The following GRHL3 variants were observed in gnomAD, a reference collection of about 807,000 sequenced individuals.
GRHL3 encodes grainyhead like transcription factor 3.
Under a neutral mutation model 70.3 loss-of-function variants are expected in GRHL3, and 20 were observed. The ratio of observed to expected loss-of-function variants is 0.28; its 90% confidence interval spans 0.20 to 0.41. GRHL3 has a LOEUF of 0.41. GRHL3 is among the 10% of genes least tolerant of loss of function. The pLI, the probability that GRHL3 is intolerant of heterozygous loss-of-function variation, is 1.00. For synonymous variants in GRHL3, 299 were observed against 299.9 expected, an observed-to-expected ratio of 1.00 and a Z score of 0.03; for missense variants, 637 against 762.3, an observed-to-expected ratio of 0.84 and a Z score of 1.94.
Position 24,337,768 on chromosome 1 carries a change from C to T in GRHL3, c.819C>T (p.Ala273=). Residue 273 remains alanine, a synonymous_variant, in exon 6 of 16, where the codon GCC becomes GCT. Coordinates refer to ENST00000361548, the MANE Select transcript of GRHL3 (RefSeq NM_198173.3). The part of the protein sequence containing the change: ...LRTPAGGKGL[A]LSSNKVKSVV... ...CCCCAGCAGGTGGCAAAGGCCTTGCCTTGTCCTCCAACAAAGTCAAGGTGC... is the reference window on the plus strand; with the variant it reads ...CCCCAGCAGGTGGCAAAGGCCTTGCTTTGTCCTCCAACAAAGTCAAGGTGC... 6.2e-7 allele frequency: 1 copy of T among 1,614,226 alleles called. No homozygotes were observed. The highest frequency in any genetic ancestry group is 8.5e-7 in the Non-Finnish European group (1 of 1,180,052).
rs150037319 is a variant in GRHL3, at chr1:24,336,566, G to A, written c.351G>A (p.Val117=). 1.9e-5 allele frequency: 30 copies of A among 1,613,788 alleles called. No individual in the cohort carries two copies. Among genetic ancestry groups the A allele is most frequent in the African/African-American group, 1.7e-4 (13 of 74,916 alleles). ...TCATGAAATTCCTGACAGAGAACGT[G>A]TCTGGAACCCCAGAGTACCCAGATT... The part of the protein sequence containing the change: ...THLMKFLTEN[V]SGTPEYPDLL... Residue 117 remains valine (V), a synonymous_variant, in exon 4 of 16, where the codon GTG becomes GTA. Coordinates refer to ENST00000361548, the MANE Select transcript of GRHL3 (RefSeq NM_198173.3).
chr1:24,337,672 C>T lies in GRHL3; in HGVS notation c.723C>T (p.Ile241=), dbSNP rs1639875883. The T allele has an allele frequency of 1.9e-6, 3 of 1,614,092 alleles. No homozygotes were observed. The highest frequency in any genetic ancestry group is 2.5e-6 in the Non-Finnish European group (3 of 1,180,044). The change falls in exon 6 of 16, where the codon ATC becomes ATT. Residue 241 remains isoleucine (I), a synonymous_variant. Transcript: ENST00000361548. ...FEYTLGSPKA[I]HIKSGESPMA... is the part of the protein sequence containing the mutation. ...ACACCCTGGGCTCCCCCAAAGCCAT[C>T]CACATCAAGTCAGGCGAGTCACCCA... is the stretch of plus-strand genomic sequence containing the variant.
Position 24,321,001 on chromosome 1 carries a change from A to AT in GRHL3, c.17+1435dup, listed in dbSNP as rs963720664. ...TGGTGGAGAACACACCAGTAACACC[A>AT]TTGTCATTTCATGTAGAACTAACCA... On this transcript the variant is annotated intron_variant, in intron 1 of 15. Coordinates refer to ENST00000361548, the MANE Select transcript of GRHL3 (RefSeq NM_198173.3). This position sits in a 1 kb window ranked among gnomAD's most constrained non-coding sequence, Gnocchi z 4.0. Among the ~76,000 whole-genome samples the AT allele has an allele frequency of 6.6e-6, 1 of 152,214 alleles. No individual in the cohort carries two copies. The highest frequency in any genetic ancestry group is 1.5e-5 in the Non-Finnish European group (1 of 68,032).
intron 8 of GRHL3, among the ~76,000 whole-genome samples, chr1:24,341,005 G>A (rs1640014704): frequency 6.6e-6 from 1 of 152,112 alleles, no homozygotes; most frequent in Admixed American, 6.5e-5. Flanking sequence ...GTGCCTGGGG[G>A]CCTGGTCTGC....
intron 15 of GRHL3, chr1:24,360,880 G>A (rs751943695): frequency 1.1e-5 from 17 of 1,613,188 alleles, no homozygotes; most frequent in South Asian, 3.3e-5. Context: ...CTGAGGCGGC[G>A]CCGCTGTCCA....
chr1:24,323,529 T>C (rs1393091764), intron 1 of GRHL3, among the ~76,000 whole-genome samples: 1 of 152,190 alleles, frequency 6.6e-6, no homozygotes, highest in Non-Finnish European at 1.5e-5. Context: ...ACACCTGTGT[T>C]TTAAGCCCAG....
intron 12 of GRHL3, 40 bp downstream of exon 12, chr1:24,344,971 TGCACCCTCC>T: frequency 2.2e-6 from 3 of 1,373,892 alleles, no homozygotes; most frequent in Non-Finnish European, 1.0e-6. Flanking sequence ...TCCACACCTG[TGCACCCTCC>T]ACACCTGTGC....
intron 1 of GRHL3, 38 bp from the exon 2 acceptor site, chr1:24,331,388 G>T: frequency 6.4e-7 from 1 of 1,558,928 alleles, no homozygotes; most frequent in Non-Finnish European, 8.7e-7. Context: ...ACCTTCCTCT[G>T]GGATAGCCTA....
At chr1:24,351,004 A>G (rs1321981789) in intron 15 of GRHL3, among the ~76,000 whole-genome samples, 2 of 152,212 alleles carry the variant, frequency 1.3e-5, no homozygotes, top group Non-Finnish European at 2.9e-5. Flanking sequence ...CCAGCCTGGC[A>G]TAGGGCCCCC....
At position 24,336,540 on chromosome 1, in the gene GRHL3, C is replaced by T. The variant is rs1483524217; in HGVS notation, c.325C>T (p.Leu109Phe). 1 of 1,612,972 alleles carries T rather than the reference C, an allele frequency of 6.2e-7. No homozygotes were observed. The highest frequency in any genetic ancestry group is 1.3e-5 in the African/African-American group (1 of 74,898). ...DLTPLESPTH[L>F]MKFLTENVSG... ...CACTCCCCTTGAAAGCCCCACACACCTCATGAAATTCCTGACAGAGAACGT... is the reference window on the plus strand; with the variant it reads ...CACTCCCCTTGAAAGCCCCACACACTTCATGAAATTCCTGACAGAGAACGT... The change falls in exon 4 of 16, where the codon CTC (leucine) becomes TTC (phenylalanine). Residue 109 changes from leucine (L) to phenylalanine (F), a missense_variant. Around this residue, in one of 2 missense-constraint regions of GRHL3, gnomAD observed 250 missense variants for 248.6 expected, o/e 1.01. Coordinates refer to ENST00000361548, the MANE Select transcript of GRHL3 (RefSeq NM_198173.3).
rs1046594565 is a variant in GRHL3 at position 24,321,170 on chromosome 1, G to C, written c.17+1602G>C. Among the ~76,000 whole-genome samples, 3 of 152,226 alleles carry C rather than the reference G, an allele frequency of 2.0e-5. No homozygotes were observed. The highest frequency in any genetic ancestry group is 6.5e-5 in the Admixed American group (1 of 15,290). ...AGAATCTATTCATTACTGCACGTTA[G>C]GGGGTATGTGTTCTGAAGCTGGGTT... On this transcript the variant is annotated intron_variant, in intron 1 of 15. Coordinates refer to ENST00000361548, the MANE Select transcript of GRHL3 (RefSeq NM_198173.3). The surrounding 1 kb of genome is among the most constrained non-coding windows in gnomAD (Gnocchi z 4.0).
Position 24,360,876 on chromosome 1 carries a change from C to T in GRHL3, c.1695-3309C>T, listed in dbSNP as rs762640146. On this transcript the variant is annotated intron_variant, in intron 15 of 15. Coordinates refer to the GRHL3 transcript ENST00000350501. ...CTGGGCCAGGCAGGCCTGGCTGAGG[C>T]GGCGCCGCTGTCCACCGGCTGGTAT... 50 of 1,612,998 alleles carry T rather than the reference C, an allele frequency of 3.1e-5. No homozygotes were observed. The Middle Eastern group carries it at 5.0e-4, about 16-fold the overall frequency.
intron 8 of GRHL3, among the ~76,000 whole-genome samples, chr1:24,340,911 C>G (rs1010614711): frequency 6.6e-6 from 1 of 152,014 alleles, no homozygotes; most frequent in Admixed American, 6.5e-5. Flanking sequence ...CTTTTAAGCC[C>G]CCAGGCTTGG....
At chr1:24,360,821 T>A in intron 15 of GRHL3, 1 of 1,563,730 alleles carries the variant, frequency 6.4e-7, no homozygotes, top group South Asian at 1.2e-5. Flanking sequence ...AAGATTTGGT[T>A]TTTACAATCA....
At chr1:24,325,494 A>C (rs2148646970) in intron 1 of GRHL3, among the ~76,000 whole-genome samples, 1 of 152,206 alleles carries the variant, frequency 6.6e-6, no homozygotes, top group East Asian at 1.9e-4. Context: ...CTGATGGCTG[A>C]GACAGCATTT....
At chr1:24,352,587 A>G (rs1348652194) in intron 15 of GRHL3, among the ~76,000 whole-genome samples, 1 of 152,140 alleles carries the variant, frequency 6.6e-6, no homozygotes, top group Non-Finnish European at 1.5e-5. Flanking sequence ...AGCAGGTGTG[A>G]GCTCAGGGCG....
Position 24,322,921 on chromosome 1 carries a change from C to T in GRHL3, c.17+3353C>T. 3.2e-6 allele frequency: 2 copies of T among 618,424 alleles called. No homozygotes were observed. Among genetic ancestry groups the T allele is most frequent in the Non-Finnish European group, 5.7e-6 (2 of 349,184 alleles). The allele number at this position is 618,424 out of a possible 1,614,324, so 38.3% of individuals were successfully genotyped here. A position where few individuals can be genotyped will look rare whatever the true frequency, so the allele number is the denominator to read the frequency against. ...ATGCAGTTTTGCCGAAGAGGGGACC[C>T]AGACCTGGTTCAGGCTTGCCCAAGG... is the stretch of plus-strand genomic sequence containing the variant. On this transcript the variant is annotated intron_variant, in intron 1 of 15. Coordinates refer to ENST00000361548, the MANE Select transcript of GRHL3 (RefSeq NM_198173.3). The surrounding 1 kb of genome is among the most constrained non-coding windows in gnomAD (Gnocchi z 4.4).
downstream of GRHL3, chr1:24,355,451 T>C (rs1303815183): frequency 1.3e-5 from 2 of 152,230 alleles, no homozygotes; most frequent in African/African-American, 2.4e-5. Context: ...ACTTGAAGGA[T>C]GCTGGGACGT....
At position 24,319,579 on chromosome 1, in the gene GRHL3, A is replaced by G. The variant is rs760670783; in HGVS notation, c.17+11A>G. ...GTCGAATGAACTTGAGTGAGTAAAC[A>G]TCGGTGGATACCTGCCGCTCTCAGA... On this transcript the variant is annotated intron_variant, in intron 1 of 15. Coordinates refer to ENST00000361548, the MANE Select transcript of GRHL3 (RefSeq NM_198173.3). 136 of 1,613,820 alleles carry G rather than the reference A, an allele frequency of 8.4e-5. 1 individual carries two copies. The Middle Eastern group carries it at 5.6e-3, about 67-fold the overall frequency.
Sources: allele counts gnomAD v4.1 joint callset (sites outside exome capture counted in the v4.1 genomes callset), GRCh38; gene constraint gnomAD v4.1.1; regional missense constraint gnomAD v4.1.1; non-coding constraint Gnocchi (gnomAD v3.1); transcripts MANE v1.5; gene names NCBI Gene and HGNC (gene_info 2026-07-23, HGNC 2026-07-21).